The following ADGRB3 variants were observed in gnomAD, a reference collection of about 807,000 sequenced individuals.
The protein encoded by ADGRB3 is adhesion G protein-coupled receptor B3.
In ADGRB3, 37 loss-of-function variants were observed where a neutral mutation model predicts 193.4. That is an observed-to-expected ratio of 0.19 (90% CI 0.15 to 0.25). The LOEUF (loss-of-function observed/expected upper bound fraction) is 0.25. ADGRB3 is among the 10% of genes least tolerant of loss of function. The pLI is 1.00. For missense variants in ADGRB3, 1,637 were observed against 1,852.9 expected, an observed-to-expected ratio of 0.88 and a Z score of 2.14; for synonymous variants, 690 against 644.2, an observed-to-expected ratio of 1.07 and a Z score of -1.08.
intron 3 of ADGRB3, among the ~76,000 whole-genome samples, chr6:68,785,366 C>G (rs549187214): frequency 7.2e-6 from 1 of 138,530 alleles, no homozygotes; most frequent in South Asian, 2.4e-4. Context: ...TCCATGTGTT[C>G]TCTTTGTTCA....
chr6:69,384,028 C>T (rs1770007998), intron 31 of ADGRB3, among the ~76,000 whole-genome samples: 1 of 151,908 alleles, frequency 6.6e-6, no homozygotes, highest in East Asian at 1.9e-4. Context: ...ATGTTAGCTT[C>T]GGAAGAGCTG....
intron 3 of ADGRB3, among the ~76,000 whole-genome samples, chr6:68,745,886 AT>A (rs1383245211): frequency 7.9e-5 from 12 of 151,904 alleles, no homozygotes; most frequent in African/African-American, 2.9e-4. Flanking sequence ...CCTTATTGCG[AT>A]TTGTAATAAT....
chr6:68,931,430 G>C (rs959288516), intron 4 of ADGRB3, among the ~76,000 whole-genome samples: 19 of 152,032 alleles, frequency 1.2e-4, no homozygotes, highest in Non-Finnish European at 2.4e-4. Context: ...AATTTCATCT[G>C]AGTACATTGC....
intron 17 of ADGRB3, among the ~76,000 whole-genome samples, chr6:69,113,241 ATATT>A (rs1223835411): frequency 6.6e-6 from 1 of 152,042 alleles, no homozygotes; most frequent in Admixed American, 6.6e-5. Flanking sequence ...TGTATCACAC[ATATT>A]TATATGTACA....
At chr6:68,693,417 T>A (rs1765109905) in intron 3 of ADGRB3, among the ~76,000 whole-genome samples, 1 of 151,888 alleles carries the variant, frequency 6.6e-6, no homozygotes, top group African/African-American at 2.4e-5. Context: ...AAATCAAAGC[T>A]TGAAAACATA....
intron 3 of ADGRB3, among the ~76,000 whole-genome samples, chr6:68,764,402 A>G (rs1766469301): frequency 6.6e-6 from 1 of 152,262 alleles, no homozygotes; most frequent in Non-Finnish European, 1.5e-5. Flanking sequence ...AGGAAATCAA[A>G]GGAACTTAGA....
intron 17 of ADGRB3, among the ~76,000 whole-genome samples, chr6:69,176,141 C>A (rs1189707123): frequency 6.6e-6 from 1 of 151,976 alleles, no homozygotes; most frequent in East Asian, 1.9e-4. Flanking sequence ...TTTCTTCTCC[C>A]TGATTTATCC....
intron 17 of ADGRB3, among the ~76,000 whole-genome samples, chr6:69,136,576 G>C (rs1567659): frequency 0.64 from 97,065 of 151,760 alleles, 32,255 homozygotes; most frequent in East Asian, 0.95. Flanking sequence ...ATAAACAATC[G>C]ATTTTCTTCT....
At chr6:68,781,453 C>T (rs1766850608) in intron 3 of ADGRB3, among the ~76,000 whole-genome samples, 1 of 152,162 alleles carries the variant, frequency 6.6e-6, no homozygotes, top group Non-Finnish European at 1.5e-5. Flanking sequence ...CTTTTATCTG[C>T]AGGATGCTCC....
intron 3 of ADGRB3, among the ~76,000 whole-genome samples, chr6:68,772,163 A>G (rs779067798): frequency 3.9e-5 from 6 of 151,910 alleles, no homozygotes; most frequent in Non-Finnish European, 7.4e-5. Flanking sequence ...TGAAATGGAG[A>G]AGACTGCTGT....
intron 20 of ADGRB3, among the ~76,000 whole-genome samples, chr6:69,283,173 C>T (rs536985885): frequency 1.3e-5 from 2 of 152,176 alleles, no homozygotes; most frequent in South Asian, 4.2e-4. Flanking sequence ...AGGAAATTGC[C>T]AAGGGGACTG....
chr6:68,981,112 C>T lies in ADGRB3; in HGVS notation c.1734+5772C>T, dbSNP rs138642727. ...CATAGCATTTTACTGCCTTTTAATT[C>T]TTGTCACCACGCTCCAAAATGTTGT... On this transcript the variant is annotated intron_variant, in intron 10 of 31. Coordinates refer to ENST00000370598, the MANE Select transcript of ADGRB3 (RefSeq NM_001704.3). Among the ~76,000 whole-genome samples the T allele has an allele frequency of 1.9e-3, 290 of 151,710 alleles. 6 individuals carry two copies. The highest frequency in any genetic ancestry group is 6.8e-3 in the African/African-American group (283 of 41,524).
At chr6:68,733,533 A>G (rs1207922039) in intron 3 of ADGRB3, among the ~76,000 whole-genome samples, 2 of 151,806 alleles carry the variant, frequency 1.3e-5, no homozygotes, top group Admixed American at 1.3e-4. Context: ...TTTGAGTACT[A>G]TATTCATTCC....
chr6:69,106,164 T>TAAAAAAAAAAAAAAAAAAA (rs61114782), intron 17 of ADGRB3, among the ~76,000 whole-genome samples: 20 of 91,068 alleles, frequency 2.2e-4, no homozygotes, highest in East Asian at 1.5e-3. Context: ...GAGACTGCGT[T>TAAAAAAAAAAAAAAAAAAA]AAAAAAAAAA....
chr6:68,952,295 C>T (rs1767948783), intron 6 of ADGRB3, among the ~76,000 whole-genome samples: 2 of 152,050 alleles, frequency 1.3e-5, no homozygotes, highest in South Asian at 2.1e-4. Context: ...AACAATGTCT[C>T]ATATTTGACA....
At chr6:68,966,918 T>A (rs1441514554) in intron 8 of ADGRB3, among the ~76,000 whole-genome samples, 1 of 152,068 alleles carries the variant, frequency 6.6e-6, no homozygotes, top group Non-Finnish European at 1.5e-5. Context: ...TGGCAGAAAA[T>A]CAATTGTTAT....
chr6:68,965,633 G>C lies in ADGRB3; in HGVS notation c.1525+8824G>C, dbSNP rs146976385. On this transcript the variant is annotated intron_variant, in intron 8 of 31. Transcript: ENST00000370598. ...AGACAGATTAACAGCTAATCACTAG[G>C]TAATTGCTACCTTACTTTAAGGGGC... Among the ~76,000 whole-genome samples, 341 of 152,184 alleles carry C rather than the reference G, an allele frequency of 2.2e-3. 6 individuals carry two copies. Among genetic ancestry groups the C allele is most frequent in the Admixed American group, 0.019 (289 of 15,264 alleles).
At chr6:69,182,662 C>T (rs1019680088) in intron 17 of ADGRB3, among the ~76,000 whole-genome samples, 4 of 152,000 alleles carry the variant, frequency 2.6e-5, no homozygotes, top group Non-Finnish European at 4.4e-5. Context: ...GAGTGAGTCC[C>T]GTTCCCTTAA....
At chr6:69,148,858 C>G (rs2150340534) in intron 17 of ADGRB3, among the ~76,000 whole-genome samples, 1 of 152,188 alleles carries the variant, frequency 6.6e-6, no homozygotes, top group East Asian at 1.9e-4. Context: ...TATGTCATGC[C>G]ACTTTCTCTT....
Sources: gnomAD v4.1 joint callset for allele counts (sites outside exome capture counted in the v4.1 genomes callset) on GRCh38, gnomAD v4.1.1 for gene constraint, MANE v1.5 for transcripts, NCBI Gene and HGNC (gene_info 2026-07-23, HGNC 2026-07-21) for gene names.